C19orf12: variants seen among roughly 807,000 people sequenced by gnomAD.
The protein encoded by C19orf12 is chromosome 19 open reading frame 12.
Under a neutral mutation model 3.8 loss-of-function variants are expected in C19orf12, and 2 were observed. The observed-to-expected ratio is 0.53, with a 90% CI of 0.22 to 1.66. The LOEUF (loss-of-function observed/expected upper bound fraction) is 1.66, where lower values mean the gene tolerates loss of function less well. Ranked by LOEUF, C19orf12 falls within the 40% of genes most tolerant of loss-of-function variation. C19orf12 has a pLI of 0.20. For synonymous variants in C19orf12, 89 were observed against 84.6 expected, an observed-to-expected ratio of 1.05 and a Z score of -0.28; for missense variants, 156 against 188.8, an observed-to-expected ratio of 0.83 and a Z score of 1.02.
chr19:29,702,495 G>C lies in C19orf12; in HGVS notation c.*217C>G, dbSNP rs1196781016. 2.7e-6 allele frequency: 2 copies of C among 735,982 alleles called. No homozygotes were observed. Among genetic ancestry groups the C allele is most frequent in the East Asian group, 5.4e-5 (2 of 36,956 alleles). 45.6% of individuals were successfully genotyped at this position (735,982 alleles called of 1,614,324 possible). On this transcript the variant is annotated 3_prime_UTR_variant, in exon 3 of 3. Coordinates refer to ENST00000323670, the MANE Select transcript of C19orf12 (RefSeq NM_031448.6). ...GCCAGTCAGAGGGCTGTCATGGCAG[G>C]CCAGTGCACATGCCACCAACACATG...
chr19:29,707,193 C>T (rs1345690831), intron 2 of C19orf12, among the ~76,000 whole-genome samples: 2 of 152,144 alleles, frequency 1.3e-5, no homozygotes, highest in Admixed American at 6.5e-5. Flanking sequence ...CCTGTCTCTA[C>T]TAAAAATACA....
rs867462230 is a variant in C19orf12 at position 29,705,734 on chromosome 19, C to T, written c.160+2520G>A. Among the ~76,000 whole-genome samples, 5 of 152,032 alleles carry T rather than the reference C, an allele frequency of 3.3e-5. 1 individual carries two copies. The Middle Eastern group carries it at 0.01, about 310-fold the overall frequency. On this transcript the variant is annotated intron_variant, in intron 2 of 2. Transcript: ENST00000323670. ...GTCTCATTATGTTGCCCAGTCCGGTCTCGAACTGCTGGGCTCAAGCAATCT... is the reference window on the plus strand; with the variant it reads ...GTCTCATTATGTTGCCCAGTCCGGTTTCGAACTGCTGGGCTCAAGCAATCT...
At chr19:29,711,613 T>C (rs1451696934) in intron 1 of C19orf12, among the ~76,000 whole-genome samples, 1 of 152,228 alleles carries the variant, frequency 6.6e-6, no homozygotes, top group East Asian at 1.9e-4. Context: ...CAAGGCTGGC[T>C]TCCAGGCCAG....
chr19:29,702,868 G>A lies in C19orf12; in HGVS notation c.270C>T (p.Asn90=), dbSNP rs369548656. The A allele has an allele frequency of 1.3e-5, 21 of 1,614,042 alleles. No homozygotes were observed. Among genetic ancestry groups the A allele is most frequent in the African/African-American group, 9.3e-5 (7 of 74,932 alleles). Residue 90 remains asparagine (N), a synonymous_variant, in exon 3 of 3, where the codon AAC becomes AAT. Transcript: ENST00000323670. ...GGTGCCTGATGATGGCTGCGGCTTC[G>A]TTAAAGAGCCTCTGTTGCTCGGCAG... ...LPPAEQQRLF[N]EAAAIIRHLE...
At chr19:29,707,856 T>C (rs1599544705) in intron 2 of C19orf12, among the ~76,000 whole-genome samples, 1 of 151,286 alleles carries the variant, frequency 6.6e-6, no homozygotes, top group East Asian at 1.9e-4. Context: ...GTGTTTCTTT[T>C]CTTTTTTCTT....
chr19:29,711,768 T>G (rs1030658851), intron 1 of C19orf12, among the ~76,000 whole-genome samples: 2 of 152,146 alleles, frequency 1.3e-5, no homozygotes, highest in African/African-American at 2.4e-5. Context: ...CTCTACTGGC[T>G]TCCCCCCCCA....
intron 1 of C19orf12, among the ~76,000 whole-genome samples, chr19:29,714,011 T>C (rs564772170): frequency 6.6e-6 from 1 of 152,112 alleles, no homozygotes; most frequent in South Asian, 2.1e-4. Flanking sequence ...TCTCTCTCTT[T>C]CTCTTTCCCT....
chr19:29,712,202 G>A lies in C19orf12; in HGVS notation c.-11+2923C>T, dbSNP rs145575620. Among the ~76,000 whole-genome samples, 31 of 152,164 alleles carry A rather than the reference G, an allele frequency of 2.0e-4. No homozygotes were observed. In the East Asian group the frequency reaches 5.2e-3, roughly 26 times the overall value. On this transcript the variant is annotated intron_variant, in intron 1 of 2. Transcript: ENST00000323670. ...GGGCAGATCACGAGGTCAAGAGATC[G>A]AGACTATCCTGGCCAACATGGTGAA...
At position 29,704,685 on chromosome 19, in the gene C19orf12, A is replaced by T. The variant is rs754580012; in HGVS notation, c.161-1708T>A. Among the ~76,000 whole-genome samples the T allele has an allele frequency of 9.6e-4, 146 of 152,178 alleles. 4 individuals are homozygous for T. Among genetic ancestry groups the T allele is most frequent in the Non-Finnish European group, 3.4e-4 (23 of 68,032 alleles). On this transcript the variant is annotated intron_variant, in intron 2 of 2. Coordinates refer to ENST00000323670, the MANE Select transcript of C19orf12 (RefSeq NM_031448.6). ...GAAGGTGCCCTAGGGAAGGGGTCCA[A>T]AGTCAAGTGCCTCCAAGAGCCAGGG...
At chr19:29,709,615 G>A (rs1248933388) in intron 1 of C19orf12, among the ~76,000 whole-genome samples, 2 of 147,854 alleles carry the variant, frequency 1.4e-5, no homozygotes, top group African/African-American at 5.0e-5. Flanking sequence ...CTGCAGCCTT[G>A]ACCTCCTGGG....
intron 1 of C19orf12, among the ~76,000 whole-genome samples, chr19:29,709,866 T>C (rs1257853477): frequency 6.6e-6 from 1 of 151,982 alleles, no homozygotes; most frequent in Non-Finnish European, 1.5e-5. Flanking sequence ...TGAGGTTTTT[T>C]TGTTTTGTTT....
intron 1 of C19orf12, among the ~76,000 whole-genome samples, chr19:29,712,571 T>TC (rs1331684903): frequency 6.6e-6 from 1 of 152,016 alleles, no homozygotes; most frequent in Non-Finnish European, 1.5e-5. Context: ...GAGTAGTAAC[T>TC]CAGGCTAAGA....
chr19:29,705,261 T>A (rs1972311018), intron 2 of C19orf12: 1 of 417,460 alleles, frequency 2.4e-6, no homozygotes, highest in African/African-American at 2.1e-5. Flanking sequence ...CTGAGAGATG[T>A]TCTACGAAAT....
At chr19:29,707,183 C>T (rs575989426) in intron 2 of C19orf12, among the ~76,000 whole-genome samples, 100 of 152,252 alleles carry the variant, frequency 6.6e-4, no homozygotes, top group Admixed American at 1.2e-3. Context: ...AGGACAAAAC[C>T]CTGTCTCTAC....
In C19orf12 at chr19:29,699,355, C is replaced by T. The variant is rs753828295; in HGVS notation, c.*3357G>A. On this transcript the variant is annotated 3_prime_UTR_variant, in exon 3 of 3. Transcript: ENST00000323670. ...AAAATTAGCCGGGCATGGTGGCGGGCGACTGTAGTCAAAGCTACTCGGGAG... is the reference window on the plus strand; with the variant it reads ...AAAATTAGCCGGGCATGGTGGCGGGTGACTGTAGTCAAAGCTACTCGGGAG... 41 of 364,996 alleles carry T rather than the reference C, an allele frequency of 1.1e-4. No individual in the cohort carries two copies. The East Asian group carries it at 2.0e-3, about 18-fold the overall frequency. 22.6% of individuals were successfully genotyped at this position (364,996 alleles called of 1,614,324 possible).
At chr19:29,709,830 T>G (rs898301853) in intron 1 of C19orf12, among the ~76,000 whole-genome samples, 1 of 152,078 alleles carries the variant, frequency 6.6e-6, no homozygotes, top group African/African-American at 2.4e-5. Context: ...ACATTTGACC[T>G]TAATATCTTT....
chr19:29,709,304 C>T (rs1418606528), intron 1 of C19orf12, among the ~76,000 whole-genome samples: 2 of 152,162 alleles, frequency 1.3e-5, no homozygotes, highest in African/African-American at 4.8e-5. Context: ...GTGTGGCATG[C>T]TGGAGCCAGG....
At position 29,699,998 on chromosome 19, in the gene C19orf12, C is replaced by G; in HGVS notation, c.*2714G>C. The G allele has an allele frequency of 2.2e-6, 1 of 454,096 alleles. No individual in the cohort carries two copies. Among genetic ancestry groups the G allele is most frequent in the South Asian group, 1.6e-5 (1 of 64,478 alleles). The allele number at this position is 454,096 out of a possible 1,614,324, so 28.1% of individuals were successfully genotyped here. ...TTTTAGGCCCAAAGCCTCCAAGTCA[C>G]CCCAGGACCCAGCTAGTTCCAGTGT... On this transcript the variant is annotated 3_prime_UTR_variant, in exon 3 of 3. Transcript: ENST00000323670.
Position 29,700,713 on chromosome 19 carries a change from A to G in C19orf12, c.*1999T>C, listed in dbSNP as rs1052225044. 1 of 454,188 alleles carries G rather than the reference A, an allele frequency of 2.2e-6. No homozygotes were observed. The highest frequency in any genetic ancestry group is 4.4e-6 in the Non-Finnish European group (1 of 226,812). The allele number at this position is 454,188 out of a possible 1,614,324, so 28.1% of individuals were successfully genotyped here. On this transcript the variant is annotated 3_prime_UTR_variant, in exon 3 of 3. Transcript: ENST00000323670. ...CTGATTTGTGCTAGACGAGGCCAGC[A>G]GAAGAGCAATCGCTCTGCAAGAGAA... is the stretch of plus-strand genomic sequence containing the variant.
Sources: gnomAD v4.1 joint callset for allele counts (sites outside exome capture counted in the v4.1 genomes callset) on GRCh38, gnomAD v4.1.1 for gene constraint, MANE v1.5 for transcripts, NCBI Gene and HGNC (gene_info 2026-07-23, HGNC 2026-07-21) for gene names.